The following DGCR2 variants were observed in gnomAD, a reference collection of about 807,000 sequenced individuals.
DGCR2 encodes the protein integral membrane protein DGCR2/IDD.
DGCR2 carries 24 observed loss-of-function variants against 51.6 expected under a neutral mutation model. That is an observed-to-expected ratio of 0.47 (90% CI 0.34 to 0.65). The LOEUF is 0.65. DGCR2 is among the 30% of genes least tolerant of loss of function. The pLI is 0.01. For missense variants in DGCR2, 765 were observed against 772.1 expected, an observed-to-expected ratio of 0.99 and a Z score of 0.11; for synonymous variants, 340 against 315.4, an observed-to-expected ratio of 1.08 and a Z score of -0.82.
At chr22:19,050,028 G>C (rs1343127208) in intron 6 of DGCR2, among the ~76,000 whole-genome samples, 1 of 152,040 alleles carries the variant, frequency 6.6e-6, no homozygotes, top group Non-Finnish European at 1.5e-5. Flanking sequence ...CAAATGGAGA[G>C]GAGAGAGAGA....
Position 19,038,834 on chromosome 22 carries a change from T to C in DGCR2, c.*31A>G. 1 of 1,600,304 alleles carries C rather than the reference T, an allele frequency of 6.2e-7. No individual in the cohort carries two copies. The highest frequency in any genetic ancestry group is 1.3e-5 in the African/African-American group (1 of 74,784). ...GGTGTTTTCTACAACAGACAGGTGC[T>C]CCCAGACCGTTGGGGTACAGGCCAG... On this transcript the variant is annotated 3_prime_UTR_variant, in exon 10 of 10. Transcript: ENST00000263196.
intron 2 of DGCR2, among the ~76,000 whole-genome samples, chr22:19,088,908 G>C (rs1411860942): frequency 6.6e-6 from 1 of 152,268 alleles, no homozygotes; most frequent in East Asian, 1.9e-4. Flanking sequence ...TAATGGCCAG[G>C]AGAGAACCTG....
chr22:19,054,753 A>AG (rs2082583332), intron 6 of DGCR2, among the ~76,000 whole-genome samples: 1 of 151,698 alleles, frequency 6.6e-6, no homozygotes, highest in African/African-American at 2.4e-5. Context: ...AAAAAAAAAA[A>AG]AAGAGAGAGT....
chr22:19,100,533 G>A (rs901932727), intron 1 of DGCR2, among the ~76,000 whole-genome samples: 5 of 152,108 alleles, frequency 3.3e-5, no homozygotes, highest in Non-Finnish European at 5.9e-5. Flanking sequence ...GGACGTGGTG[G>A]TGGGTGCCTG....
chr22:19,069,003 G>A (rs2082782855), intron 2 of DGCR2, among the ~76,000 whole-genome samples: 1 of 152,270 alleles, frequency 6.6e-6, no homozygotes, highest in Non-Finnish European at 1.5e-5. Flanking sequence ...GGCAGACTCA[G>A]AGAAGGGGAG....
At chr22:19,083,641 TTTG>T (rs1334461782) in intron 2 of DGCR2, among the ~76,000 whole-genome samples, 2 of 151,936 alleles carry the variant, frequency 1.3e-5, no homozygotes, top group Non-Finnish European at 2.9e-5. Context: ...TTACACATCT[TTTG>T]TTAATTCTCG....
At chr22:19,042,490 T>C (rs1368987365) in intron 7 of DGCR2, among the ~76,000 whole-genome samples, 1 of 152,182 alleles carries the variant, frequency 6.6e-6, no homozygotes, top group Non-Finnish European at 1.5e-5. Flanking sequence ...AGCCCTTTCC[T>C]GGTAGGAGGC....
At chr22:19,110,985 A>G (rs922552579) in intron 1 of DGCR2, among the ~76,000 whole-genome samples, 12 of 152,344 alleles carry the variant, frequency 7.9e-5, no homozygotes, top group Middle Eastern at 6.8e-3. Flanking sequence ...TTTTCTGTTA[A>G]GTAGTATGTT....
chr22:19,056,419 G>A (rs575842923), intron 6 of DGCR2: 125 of 489,006 alleles, frequency 2.6e-4, no homozygotes, highest in East Asian at 6.1e-4. Flanking sequence ...CCCAACCTGC[G>A]CACAGCTGCC....
At chr22:19,099,302 A>G (rs957359953) in intron 1 of DGCR2, among the ~76,000 whole-genome samples, 2 of 152,212 alleles carry the variant, frequency 1.3e-5, no homozygotes, top group East Asian at 1.9e-4. Flanking sequence ...TCCACTGACT[A>G]CGCGTGGTGA....
At chr22:19,050,408 C>T (rs2082536791) in intron 6 of DGCR2, among the ~76,000 whole-genome samples, 1 of 152,170 alleles carries the variant, frequency 6.6e-6, no homozygotes, top group South Asian at 2.1e-4. Flanking sequence ...CTTTCCCAGA[C>T]AAACAACAAG....
chr22:19,108,569 T>TAAAAAAAAAAAA (rs55803042), intron 1 of DGCR2, among the ~76,000 whole-genome samples: 19 of 90,780 alleles, frequency 2.1e-4, no homozygotes, highest in African/African-American at 5.9e-4. Flanking sequence ...AGAATTTATC[T>TAAAAAAAAAAAA]AAAAAAAAAA....
chr22:19,107,950 T>G (rs991190325), intron 1 of DGCR2, among the ~76,000 whole-genome samples: 4 of 152,228 alleles, frequency 2.6e-5, no homozygotes, highest in Non-Finnish European at 5.9e-5. Context: ...GAATGCTCAT[T>G]TTGCATGTGC....
At chr22:19,105,991 C>A in intron 1 of DGCR2, among the ~76,000 whole-genome samples, 1 of 152,064 alleles carries the variant, frequency 6.6e-6, no homozygotes, top group Non-Finnish European at 1.5e-5. Flanking sequence ...CTGCCACTGC[C>A]CCGTAGCACC....
rs569627100 is a variant in DGCR2, at chr22:19,094,721, G to C, written c.80-5231C>G. 1.2e-4 allele frequency among the ~76,000 whole-genome samples: 19 copies of C among 152,278 alleles called. No individual in the cohort carries two copies. In the South Asian group the frequency reaches 2.1e-3, roughly 17 times the overall value. The stretch of plus-strand genomic sequence containing the variant: ...GTACTTTTATTTGTAATATCCAAAA[G>C]CTGGAAACAAACAGTGTCTATCAAG... On this transcript the variant is annotated intron_variant, in intron 1 of 9. Coordinates refer to ENST00000263196, the MANE Select transcript of DGCR2 (RefSeq NM_005137.3).
At chr22:19,056,849 C>T (rs1482706677) in intron 6 of DGCR2, 137 bp downstream of exon 6, 1 of 972,052 alleles carries the variant, frequency 1.0e-6, no homozygotes, top group Non-Finnish European at 1.5e-6. Context: ...GCCCCAAGAA[C>T]AAGGTGTGAG....
intron 2 of DGCR2, among the ~76,000 whole-genome samples, chr22:19,070,311 G>T (rs2082799949): frequency 6.6e-6 from 1 of 152,202 alleles, no homozygotes; most frequent in African/African-American, 2.4e-5. Flanking sequence ...CTGGCAGATG[G>T]AGCAGCTTTG....
chr22:19,060,923 G>A (rs62221717), intron 5 of DGCR2: 53,235 of 504,586 alleles, frequency 0.11, 3,070 homozygotes, highest in Middle Eastern at 0.15. Context: ...CATAGTAAGC[G>A]TCTATGTACC....
At chr22:19,063,131 G>C (rs1601534023) in intron 5 of DGCR2, 71 bp downstream of exon 5, 1 of 1,428,080 alleles carries the variant, frequency 7.0e-7, no homozygotes, top group Non-Finnish European at 9.9e-7. Context: ...GGGTAAGAGG[G>C]AGGAGGGGAG....
Sources: allele counts gnomAD v4.1 joint callset (sites outside exome capture counted in the v4.1 genomes callset), GRCh38; gene constraint gnomAD v4.1.1; transcripts MANE v1.5; gene names NCBI Gene and HGNC (gene_info 2026-07-23, HGNC 2026-07-21).